The following DSG2 variants were observed in gnomAD, a reference collection of about 807,000 sequenced individuals.
The protein encoded by DSG2 is desmoglein-2.
DSG2 carries 45 observed loss-of-function variants against 75.6 expected under a neutral mutation model. The observed-to-expected ratio is 0.60, with a 90% CI of 0.47 to 0.76. The LOEUF is 0.76. DSG2 is among the 30% of genes least tolerant of loss of function. The probability of loss-of-function intolerance (pLI) is 0.00; values close to 1 mark genes in which losing one functional copy is unlikely to be tolerated. For missense variants in DSG2, 1,267 were observed against 1,357.4 expected (o/e 0.93, Z 1.05); for synonymous variants, 429 against 483.9 (o/e 0.89, Z 1.49).
chr18:31,515,089 G>T (rs527273311), intron 1 of DSG2, among the ~76,000 whole-genome samples: 30 of 152,108 alleles, frequency 2.0e-4, no homozygotes, highest in African/African-American at 6.8e-4. Flanking sequence ...GGATGGGCAA[G>T]AAATATATTA....
chr18:31,522,998 TACATA>T (rs2073138041), intron 6 of DSG2, among the ~76,000 whole-genome samples: 1 of 152,250 alleles, frequency 6.6e-6, no homozygotes, highest in African/African-American at 2.4e-5. Flanking sequence ...AAATGCTGTA[TACATA>T]AAGGTTTTAA....
At chr18:31,528,855 T>TG (rs2073177981) in intron 8 of DSG2, among the ~76,000 whole-genome samples, 1 of 151,618 alleles carries the variant, frequency 6.6e-6, no homozygotes, top group Non-Finnish European at 1.5e-5. Flanking sequence ...TTGCTTGGAG[T>TG]GGTGAGTCTG....
In DSG2 at chr18:31,504,569, G is replaced by T. The variant is rs148883436; in HGVS notation, c.45+6273G>T. Among the ~76,000 whole-genome samples, 6 of 152,080 alleles carry T rather than the reference G, an allele frequency of 3.9e-5. No homozygotes were observed. The East Asian group carries it at 9.7e-4, about 24-fold the overall frequency. ...CTAGCACGATGGGCAGACGGCAGAGGGGGGGACACAGTACATATATTACTA... is the reference window on the plus strand; with the variant it reads ...CTAGCACGATGGGCAGACGGCAGAGTGGGGGACACAGTACATATATTACTA... On this transcript the variant is annotated intron_variant, in intron 1 of 14. Transcript: ENST00000261590.
chr18:31,541,354 G>C, intron 13 of DSG2, 40 bp downstream of exon 13: 2 of 1,610,778 alleles, frequency 1.2e-6, no homozygotes, highest in Non-Finnish European at 1.7e-6. Context: ...TCTTCTTCTT[G>C]GGTTTTAAAG....
At chr18:31,531,881 A>C (rs1171037824) in intron 9 of DSG2, among the ~76,000 whole-genome samples, 1 of 152,164 alleles carries the variant, frequency 6.6e-6, no homozygotes, top group African/African-American at 2.4e-5. Context: ...GATGCTTTCA[A>C]ATTTTCAAAG....
intron 8 of DSG2, among the ~76,000 whole-genome samples, chr18:31,528,709 C>CAA (rs561370463): frequency 2.9e-4 from 22 of 74,794 alleles, no homozygotes; most frequent in African/African-American, 4.9e-4. Flanking sequence ...GACTCCATCT[C>CAA]AAAAAAAAAA....
rs1245860484 is a variant in DSG2 at position 31,538,735 on chromosome 18, C to G, written c.1652-16C>G. On this transcript the variant is annotated splice_polypyrimidine_tract_variant and intron_variant, in intron 11 of 14. Transcript: ENST00000261590. Reference sequence around the variant, plus strand: ...AATCGTTCGTTTTTATTTCCTTCTGCCTCCCAACCTTGTAGGTACCAGTGT... The same window carrying G: ...AATCGTTCGTTTTTATTTCCTTCTGGCTCCCAACCTTGTAGGTACCAGTGT... 1 of 1,609,016 alleles carries G rather than the reference C, an allele frequency of 6.2e-7. No individual in the cohort carries two copies. The highest frequency in any genetic ancestry group is 1.3e-5 in the African/African-American group (1 of 74,920).
At position 31,547,935 on chromosome 18, in the gene DSG2, G is replaced by A. The variant is rs1314338916; in HGVS notation, c.*1192G>A. 1.3e-5 allele frequency: 2 copies of A among 152,152 alleles called. No individual in the cohort carries two copies. The highest frequency in any genetic ancestry group is 2.9e-5 in the Non-Finnish European group (2 of 68,034). 9.4% of individuals were successfully genotyped at this position (152,152 alleles called of 1,614,324 possible). A position where few individuals can be genotyped will look rare whatever the true frequency, so the allele number is the denominator to read the frequency against. On this transcript the variant is annotated 3_prime_UTR_variant, in exon 15 of 15. Coordinates refer to ENST00000261590, the MANE Select transcript of DSG2 (RefSeq NM_001943.5). ...GAACAACTAGGCCTATTTCACTGCT[G>A]TGTAGCCTCAGTGCCTAACATGGGT...
At chr18:31,517,677 A>G (rs968153661) in intron 1 of DSG2, among the ~76,000 whole-genome samples, 7 of 152,188 alleles carry the variant, frequency 4.6e-5, no homozygotes, top group African/African-American at 9.7e-5. Context: ...TTAGAACAGT[A>G]CTAGGTCATG....
chr18:31,522,360 A>G, intron 6 of DSG2, 111 bp downstream of exon 6: 1 of 1,092,752 alleles, frequency 9.2e-7, no homozygotes, highest in Non-Finnish European at 1.4e-6. Context: ...TATCCATAGG[A>G]TAACTCTTGG....
At position 31,535,307 on chromosome 18, in the gene DSG2, G is replaced by C; in HGVS notation, c.1318G>C (p.Val440Leu). The C allele has an allele frequency of 6.3e-7, 1 of 1,596,106 alleles. No individual in the cohort carries two copies. Among genetic ancestry groups the C allele is most frequent in the South Asian group, 1.1e-5 (1 of 90,314 alleles). ...KLEDRDNWIS[V>L]DSVTSEIKLA... ...AGAAGATAGAGATAATTGGATCTCT[G>C]TGGATTCTGTCACATCTGAAATTAA... is the stretch of plus-strand genomic sequence containing the variant. The change falls in exon 10 of 15, where the codon GTG becomes CTG. Residue 440 changes from valine (V) to leucine (L), a missense_variant. Transcript: ENST00000261590.
chr18:31,537,056 A>G (rs1316506238), intron 11 of DSG2, among the ~76,000 whole-genome samples: 2 of 152,202 alleles, frequency 1.3e-5, no homozygotes, highest in Non-Finnish European at 2.9e-5. Flanking sequence ...GATGTCCTTC[A>G]GGGTGGTTCT....
intron 1 of DSG2, among the ~76,000 whole-genome samples, chr18:31,516,744 A>G (rs1023603828): frequency 6.6e-6 from 1 of 152,248 alleles, no homozygotes; most frequent in Non-Finnish European, 1.5e-5. Context: ...GTACATGGTC[A>G]GAACTAAAGA....
intron 14 of DSG2, among the ~76,000 whole-genome samples, chr18:31,543,547 A>G (rs2073284001): frequency 6.6e-6 from 1 of 152,250 alleles, no homozygotes; most frequent in African/African-American, 2.4e-5. Flanking sequence ...GAATTGAGGA[A>G]TTAGAAGCAG....
chr18:31,511,949 A>C (rs1238412519), intron 1 of DSG2, among the ~76,000 whole-genome samples: 1 of 152,154 alleles, frequency 6.6e-6, no homozygotes, highest in Non-Finnish European at 1.5e-5. Context: ...CTGGCTCCCT[A>C]GATGCTCAGC....
intron 14 of DSG2, 133 bp from the exon 15 acceptor site, chr18:31,545,588 T>C (rs958004587): frequency 1.7e-5 from 19 of 1,092,406 alleles, no homozygotes; most frequent in Non-Finnish European, 2.1e-5. Flanking sequence ...AATTTGTGTT[T>C]CCCTGATGGT....
chr18:31,499,390 C>T (rs2073002522), intron 1 of DSG2, among the ~76,000 whole-genome samples: 1 of 149,486 alleles, frequency 6.7e-6, no homozygotes, highest in African/African-American at 2.5e-5. Flanking sequence ...GTGTGTGTCT[C>T]AAAACGGAAA....
At chr18:31,503,623 G>C (rs778020435) in intron 1 of DSG2, among the ~76,000 whole-genome samples, 5 of 152,310 alleles carry the variant, frequency 3.3e-5, no homozygotes, top group Admixed American at 6.5e-5. Flanking sequence ...GGTCAGGAAA[G>C]AGTCAAGAAA....
At chr18:31,508,353 A>ATTTAT (rs199925165) in intron 1 of DSG2, among the ~76,000 whole-genome samples, 6,854 of 145,962 alleles carry the variant, frequency 0.047, 173 homozygotes, top group Non-Finnish European at 0.049. Context: ...GAACTGCCTG[A>ATTTAT]TTTATTTTAT....
Sources: allele counts gnomAD v4.1 joint callset (sites outside exome capture counted in the v4.1 genomes callset), GRCh38; gene constraint gnomAD v4.1.1; transcripts MANE v1.5; gene names NCBI Gene and HGNC (gene_info 2026-07-23, HGNC 2026-07-21).